PAK1: variants seen among roughly 807,000 people sequenced by gnomAD.
PAK1 encodes p21 (RAC1) activated kinase 1.
Under a neutral mutation model 67.4 loss-of-function variants are expected in PAK1, and 29 were observed. The ratio of observed to expected loss-of-function variants is 0.43; its 90% CI spans 0.32 to 0.59. The LOEUF is 0.59. Ranked by LOEUF, PAK1 falls within the 20% of genes least tolerant of loss-of-function variation. The pLI, the probability that PAK1 is intolerant of heterozygous loss-of-function variation, is 0.07. For missense variants in PAK1, 337 were observed against 670.7 expected, an observed-to-expected ratio of 0.50 and a Z score of 5.50; for synonymous variants, 223 against 237.4, an observed-to-expected ratio of 0.94 and a Z score of 0.56.
At chr11:77,376,604 GC>G in intron 4 of PAK1, among the ~76,000 whole-genome samples, 1 of 152,030 alleles carries the variant, frequency 6.6e-6, no homozygotes, top group African/African-American at 2.4e-5. Flanking sequence ...AGGCATAGTG[GC>G]ATGCACCTGT....
intron 1 of PAK1, among the ~76,000 whole-genome samples, chr11:77,445,915 ACC>A (rs1956577007): frequency 6.6e-6 from 1 of 151,802 alleles, no homozygotes; most frequent in Admixed American, 6.6e-5. Flanking sequence ...TCATCACCCC[ACC>A]CCCACTATAC....
At chr11:77,361,028 T>A (rs1339440249) in intron 5 of PAK1, among the ~76,000 whole-genome samples, 1 of 152,144 alleles carries the variant, frequency 6.6e-6, no homozygotes, top group African/African-American at 2.4e-5. Flanking sequence ...CATCCATCCA[T>A]CCATCCATTC....
chr11:77,486,046 C>T, the PAK1 span, among the ~76,000 whole-genome samples: 1 of 152,314 alleles, frequency 6.6e-6, no homozygotes, highest in Admixed American at 6.5e-5. Context: ...CATCTCATTT[C>T]CTTTTAAATC....
chr11:77,365,023 C>T (rs1454142113), intron 5 of PAK1, among the ~76,000 whole-genome samples: 3 of 151,876 alleles, frequency 2.0e-5, no homozygotes, highest in Non-Finnish European at 4.4e-5. Flanking sequence ...CCAAGGTGGG[C>T]GGATCACGAA....
intron 6 of PAK1, 22 bp downstream of exon 6, chr11:77,358,876 G>A (rs771038554): frequency 1.2e-6 from 2 of 1,612,668 alleles, no homozygotes; most frequent in Admixed American, 3.3e-5. Flanking sequence ...TCACAAAACT[G>A]GCCAGGTCCC....
At chr11:77,528,480 G>A in the PAK1 span, among the ~76,000 whole-genome samples, 94 of 151,854 alleles carry the variant, frequency 6.2e-4, no homozygotes, top group South Asian at 5.0e-3. Flanking sequence ...CCACCTCGGC[G>A]TCCTCAGGCA....
the PAK1 span, among the ~76,000 whole-genome samples, chr11:77,521,909 G>A: frequency 1.3e-5 from 2 of 152,114 alleles, no homozygotes; most frequent in Non-Finnish European, 2.9e-5. Context: ...GAATAAGCAG[G>A]GTTAGCCGAA....
intron 13 of PAK1, among the ~76,000 whole-genome samples, chr11:77,335,122 G>T (rs1256676133): frequency 3.3e-5 from 5 of 152,072 alleles, no homozygotes; most frequent in Admixed American, 1.3e-4. Context: ...CCACTCCTTG[G>T]TCTACTTTGC....
the PAK1 span, among the ~76,000 whole-genome samples, chr11:77,488,044 T>C: frequency 6.6e-6 from 1 of 152,212 alleles, no homozygotes; most frequent in South Asian, 2.1e-4. Flanking sequence ...CTTGTATCAC[T>C]CCTCTTCCAG....
At chr11:77,453,577 G>A (rs1956956200) in intron 1 of PAK1, among the ~76,000 whole-genome samples, 1 of 151,134 alleles carries the variant, frequency 6.6e-6, no homozygotes, top group Admixed American at 6.6e-5. Context: ...TACCTCACAG[G>A]AGAAAATAAA....
the PAK1 span, among the ~76,000 whole-genome samples, chr11:77,525,073 T>C: frequency 6.6e-6 from 1 of 151,868 alleles, no homozygotes; most frequent in East Asian, 1.9e-4. Flanking sequence ...GGCCAGGCAA[T>C]GTAGCTCACT....
At chr11:77,463,794 A>G (rs1261291769) in intron 1 of PAK1, among the ~76,000 whole-genome samples, 3 of 152,088 alleles carry the variant, frequency 2.0e-5, no homozygotes, top group Non-Finnish European at 4.4e-5. Flanking sequence ...TCCCACTCCA[A>G]CTTCATCTCA....
At chr11:77,492,464 C>T in the PAK1 span, among the ~76,000 whole-genome samples, 1 of 151,348 alleles carries the variant, frequency 6.6e-6, no homozygotes, top group East Asian at 1.9e-4. Flanking sequence ...CAATAGGAAC[C>T]CAGAGAAGAG....
intron 5 of PAK1, among the ~76,000 whole-genome samples, chr11:77,361,293 G>A (rs1946749287): frequency 6.6e-6 from 1 of 152,182 alleles, no homozygotes; most frequent in African/African-American, 2.4e-5. Flanking sequence ...AAGCCACGGG[G>A]CTCTCTGAGA....
intron 8 of PAK1, among the ~76,000 whole-genome samples, chr11:77,350,312 C>T (rs1367566691): frequency 6.6e-6 from 1 of 152,040 alleles, no homozygotes; most frequent in African/African-American, 2.4e-5. Flanking sequence ...GTACCTCTGC[C>T]CCACCCCCAA....
chr11:77,425,777 T>G (rs1196308072), intron 1 of PAK1, among the ~76,000 whole-genome samples: 2 of 152,122 alleles, frequency 1.3e-5, no homozygotes, highest in African/African-American at 4.8e-5. Flanking sequence ...AGAAACTGAG[T>G]TGACTTTCCC....
chr11:77,361,525 C>T (rs1415119255), intron 5 of PAK1, among the ~76,000 whole-genome samples: 1 of 152,140 alleles, frequency 6.6e-6, no homozygotes, highest in Non-Finnish European at 1.5e-5. Flanking sequence ...AATAAGAAAC[C>T]ACTGGAGGAC....
chr11:77,467,181 C>T (rs1483715888), intron 1 of PAK1, among the ~76,000 whole-genome samples: 1 of 152,148 alleles, frequency 6.6e-6, no homozygotes, highest in Admixed American at 6.5e-5. Flanking sequence ...GACTGTGCTT[C>T]GTTAACCCCT....
At position 77,410,874 on chromosome 11, in the gene PAK1, G is replaced by T. The variant is rs918639433; in HGVS notation, c.-21-18333C>A. 2.0e-5 allele frequency among the ~76,000 whole-genome samples: 3 copies of T among 152,138 alleles called. No individual in the cohort carries two copies. In the East Asian group the frequency reaches 5.8e-4, roughly 29 times the overall value. On this transcript the variant is annotated intron_variant, in intron 1 of 14. Transcript: ENST00000356341. Reference sequence around the variant, plus strand: ...TAATAAAGAAGGAAAGAATTATAGTGATTAAGATATTACCACAGCCAGGTC... The same window carrying T: ...TAATAAAGAAGGAAAGAATTATAGTTATTAAGATATTACCACAGCCAGGTC...
Sources: gnomAD v4.1 joint callset for allele counts (sites outside exome capture counted in the v4.1 genomes callset) on GRCh38, gnomAD v4.1.1 for gene constraint, MANE v1.5 for transcripts, NCBI Gene and HGNC (gene_info 2026-07-23, HGNC 2026-07-21) for gene names.